Variants in CD80 observed in about 807,000 individuals in gnomAD.
The protein encoded by CD80 is CD80 molecule.
CD80 carries 13 observed loss-of-function variants against 27.1 expected under a neutral mutation model. The observed-to-expected ratio is 0.48, with a 90% CI of 0.31 to 0.76. The LOEUF is 0.76. Ranked by LOEUF, CD80 falls within the 30% of genes least tolerant of loss-of-function variation. CD80 has a pLI of 0.04. For synonymous variants in CD80, 125 were observed against 125.5 expected (o/e 1.00, Z 0.03); for missense variants, 277 against 347.9 (o/e 0.80, Z 1.62).
At chr3:119,551,177 C>T (rs2082229032) in intron 2 of CD80, among the ~76,000 whole-genome samples, 1 of 152,130 alleles carries the variant, frequency 6.6e-6, no homozygotes, top group African/African-American at 2.4e-5. Context: ...CATGTCTAGG[C>T]ATGAGGAAAT....
rs900376210 is a variant in CD80 at position 119,525,070 on chromosome 3, A to G, written c.*718T>C. ...CCTTTCCTCCTTGACTACTGCTTTG[A>G]CGTACCTAAATCATTCGTCTTACAT... On this transcript the variant is annotated 3_prime_UTR_variant, in exon 7 of 7. Transcript: ENST00000264246. The G allele has an allele frequency of 6.6e-6, 1 of 152,196 alleles. No individual in the cohort carries two copies. Among genetic ancestry groups the G allele is most frequent in the Admixed American group, 6.5e-5 (1 of 15,274 alleles). 9.4% of individuals were successfully genotyped at this position (152,196 alleles called of 1,614,324 possible).
Position 119,537,078 on chromosome 3 carries a change from G to A in CD80, c.700+59C>T, listed in dbSNP as rs746927560. On this transcript the variant is annotated intron_variant, in intron 4 of 6. Coordinates refer to ENST00000264246, the MANE Select transcript of CD80 (RefSeq NM_005191.4). ...ATGTATCCACATCATTAAATGACACGACTATATTGTCTTTTTAGATTCGAT... is the reference window on the plus strand; with the variant it reads ...ATGTATCCACATCATTAAATGACACAACTATATTGTCTTTTTAGATTCGAT... 6 of 1,405,010 alleles carry A rather than the reference G, an allele frequency of 4.3e-6. No individual in the cohort carries two copies. In the East Asian group the frequency reaches 6.9e-5, roughly 16 times the overall value. The allele number at this position is 1,405,010 out of a possible 1,614,324, so 87.0% of individuals were successfully genotyped here. A position where few individuals can be genotyped will look rare whatever the true frequency, so the allele number is the denominator to read the frequency against.
At chr3:119,552,318 A>G (rs1387798419) in intron 2 of CD80, among the ~76,000 whole-genome samples, 3 of 151,086 alleles carry the variant, frequency 2.0e-5, no homozygotes, top group Non-Finnish European at 4.4e-5. Flanking sequence ...CGTCTCTACT[A>G]AAAATACAAA....
At chr3:119,544,225 G>C (rs2082187580) in intron 3 of CD80, 1 of 319,294 alleles carries the variant, frequency 3.1e-6, no homozygotes, top group Non-Finnish European at 5.9e-6. Context: ...GGCATATATT[G>C]CTGGGTCAAG....
intron 2 of CD80, among the ~76,000 whole-genome samples, chr3:119,548,230 C>T (rs920168515): frequency 3.3e-5 from 5 of 152,172 alleles, no homozygotes; most frequent in African/African-American, 1.2e-4. Context: ...GATCCTCCCA[C>T]CTCAGCCTCC....
chr3:119,544,523 A>G (rs1334775583), intron 3 of CD80, 27 bp downstream of exon 3: 1 of 1,599,992 alleles, frequency 6.3e-7, no homozygotes, highest in Non-Finnish European at 8.6e-7. Context: ...CTGCCGGCCT[A>G]GAGTAAAATC....
chr3:119,544,446 A>G, intron 3 of CD80, 104 bp downstream of exon 3: 1 of 899,800 alleles, frequency 1.1e-6, no homozygotes, highest in South Asian at 1.6e-5. Flanking sequence ...ATGAAGTGAG[A>G]TACATCCCTC....
At chr3:119,549,344 A>G (rs1444168651) in intron 2 of CD80, among the ~76,000 whole-genome samples, 1 of 152,224 alleles carries the variant, frequency 6.6e-6, no homozygotes, top group Non-Finnish European at 1.5e-5. Flanking sequence ...CTCTGTGTCA[A>G]TAGCACCAAA....
At chr3:119,544,037 G>A (rs71325384) in intron 3 of CD80, among the ~76,000 whole-genome samples, 15,051 of 151,814 alleles carry the variant, frequency 0.099, 980 homozygotes, top group Non-Finnish European at 0.14. Flanking sequence ...ACAGGAATGC[G>A]CCACCACATC....
intron 2 of CD80, 101 bp from the exon 3 acceptor site, chr3:119,544,968 G>A: frequency 1.2e-6 from 1 of 844,562 alleles, no homozygotes; most frequent in East Asian, 2.6e-5. Context: ...AGGGTGTTGT[G>A]TCTAGTGACT....
Position 119,552,759 on chromosome 3 carries a change from T to C in CD80, c.100+4870A>G, listed in dbSNP as rs557565112. 7.2e-5 allele frequency among the ~76,000 whole-genome samples: 11 copies of C among 152,086 alleles called. No individual in the cohort carries two copies. The East Asian group carries it at 1.2e-3, about 16-fold the overall frequency. ...TAAAAGCGAATGGAGTACTAAGACA[T>C]ACGCAACATGGATGAACCTGAAAGA... is the stretch of plus-strand genomic sequence containing the variant. On this transcript the variant is annotated intron_variant, in intron 2 of 6. Coordinates refer to ENST00000264246, the MANE Select transcript of CD80 (RefSeq NM_005191.4).
intron 4 of CD80, among the ~76,000 whole-genome samples, chr3:119,530,527 A>G (rs1336717807): frequency 6.6e-6 from 1 of 151,824 alleles, no homozygotes; most frequent in Non-Finnish European, 1.5e-5. Context: ...ATTAGGTGGG[A>G]CCATCCTAGA....
At chr3:119,532,510 AAAG>A (rs1330080690) in intron 4 of CD80, among the ~76,000 whole-genome samples, 2 of 151,806 alleles carry the variant, frequency 1.3e-5, no homozygotes, top group Non-Finnish European at 2.9e-5. Flanking sequence ...AAAAAAAAAA[AAAG>A]AAGTGCCATC....
intron 4 of CD80, among the ~76,000 whole-genome samples, chr3:119,531,678 A>ATTTATTTAG (rs543291233): frequency 5.6e-5 from 4 of 71,564 alleles, no homozygotes; most frequent in Non-Finnish European, 1.5e-4. Context: ...TATTTATTTA[A>ATTTATTTAG]GACGGACTTT....
intron 3 of CD80, among the ~76,000 whole-genome samples, chr3:119,543,690 T>C (rs75595926): frequency 0.024 from 3,605 of 152,220 alleles, 186 homozygotes; most frequent in East Asian, 0.24. Context: ...TCCACCCACC[T>C]TGGCCTCCCA....
rs1253866276 is a variant in CD80, at chr3:119,559,577, AT to A, written c.-339del. The stretch of plus-strand genomic sequence containing the variant: ...TTTGGGTAATCTTCAGAGAGGCGAC[AT>A]TTCCCCTTCTAACTTCTGTTACTTT... On this transcript the variant is annotated 5_prime_UTR_variant, in exon 1 of 7. In the 5' UTR this introduces an upstream ATG that the reference lacks. Transcript: ENST00000264246. 1 of 152,198 alleles carries A rather than the reference AT, an allele frequency of 6.6e-6. No individual in the cohort carries two copies. The highest frequency in any genetic ancestry group is 1.9e-4 in the East Asian group (1 of 5,202). 9.4% of individuals were successfully genotyped at this position (152,198 alleles called of 1,614,324 possible).
At chr3:119,532,938 T>G (rs610902) in intron 4 of CD80, among the ~76,000 whole-genome samples, 100,241 of 152,064 alleles carry the variant, frequency 0.66, 33,528 homozygotes, top group African/African-American at 0.76. Flanking sequence ...AAAGACAGGA[T>G]AGTTGGTTTT....
At chr3:119,530,841 G>A (rs1470199927) in intron 4 of CD80, among the ~76,000 whole-genome samples, 1 of 152,212 alleles carries the variant, frequency 6.6e-6, no homozygotes, top group African/African-American at 2.4e-5. Context: ...TCATGCTGAA[G>A]TTTTATTTAA....
intron 6 of CD80, 90 bp from the exon 7 acceptor site, chr3:119,525,839 T>A (rs1019112410): frequency 6.8e-6 from 1 of 147,732 alleles, no homozygotes; most frequent in Non-Finnish European, 1.5e-5. Flanking sequence ...ATTATACATA[T>A]ATAATTTTTA....
Sources: gnomAD v4.1 joint callset for allele counts (sites outside exome capture counted in the v4.1 genomes callset) on GRCh38, gnomAD v4.1.1 for gene constraint, MANE v1.5 for transcripts, NCBI Gene and HGNC (gene_info 2026-07-23, HGNC 2026-07-21) for gene names.